KARS1: variants seen among roughly 807,000 people sequenced by gnomAD.
KARS1 encodes the protein lysine--tRNA ligase.
KARS1 carries 50 observed loss-of-function variants against 63.9 expected under a neutral mutation model. The ratio of observed to expected loss-of-function variants is 0.78; its 90% CI spans 0.62 to 0.99. The LOEUF is 0.99. Among genes scored for constraint, KARS1 ranks in the 50% least tolerant of loss-of-function variants. The probability of loss-of-function intolerance (pLI) is 0.00; values close to 1 mark genes in which losing one functional copy is unlikely to be tolerated. For missense variants in KARS1, 816 were observed against 754.5 expected (o/e 1.08, Z -0.95); for synonymous variants, 320 against 264.6 (o/e 1.21, Z -2.03).
Position 75,641,631 on chromosome 16 carries a change from G to C in KARS1, c.155C>G (p.Thr52Ser), listed in dbSNP as rs776655149. Residue 52 changes from threonine (T) to serine (S), a missense_variant, in exon 2 of 14, where the codon ACT (threonine) becomes AGT (serine). Transcript: ENST00000302445. ...ELSEKQLSQA[T>S]AAATNHTTDN... is the part of the protein sequence containing the mutation. ...AGTGGTGTGGTTGGTGGCAGCAGCA[G>C]TGGCTTGGCTTAGCTGTTTCTCACT... The C allele has an allele frequency of 6.2e-7, 1 of 1,614,002 alleles. No individual in the cohort carries two copies. The highest frequency in any genetic ancestry group is 8.5e-7 in the Non-Finnish European group (1 of 1,180,004).
rs1214729431 is a variant in KARS1 at position 75,635,661 on chromosome 16, G to C, written c.795+19C>G. 7.4e-6 allele frequency: 12 copies of C among 1,613,060 alleles called. No homozygotes were observed. The highest frequency in any genetic ancestry group is 1.3e-5 in the African/African-American group (1 of 74,920). On this transcript the variant is annotated intron_variant, in intron 6 of 13. Coordinates refer to ENST00000302445, the MANE Select transcript of KARS1 (RefSeq NM_005548.3). ...CATTGCAAGGCAGCTCATCACGTCA[G>C]GCAAGGAACTCTCCTTACCTCTAGG...
intron 2 of KARS1, 66 bp from the exon 3 acceptor site, chr16:75,640,415 T>C: frequency 2.0e-6 from 3 of 1,487,042 alleles, no homozygotes; most frequent in Non-Finnish European, 2.8e-6. Flanking sequence ...GGGGCCCACC[T>C]AGCAGAGGGC....
At chr16:75,644,345 T>A in intron 1 of KARS1, 4 of 1,610,872 alleles carry the variant, frequency 2.5e-6, no homozygotes, top group Non-Finnish European at 3.4e-6. Context: ...GTTGACCCAG[T>A]CGCAGTTCCC....
intron 1 of KARS1, among the ~76,000 whole-genome samples, chr16:75,643,827 ACTG>A (rs2082251532): frequency 1.3e-5 from 2 of 152,266 alleles, no homozygotes. Context: ...CAGTCAGTGG[ACTG>A]CTAAGATTAG....
At chr16:75,633,989 T>C in intron 7 of KARS1, 184 bp downstream of exon 7, 1 of 705,340 alleles carries the variant, frequency 1.4e-6, no homozygotes, top group Non-Finnish European at 2.6e-6. Context: ...TGCCCTACAA[T>C]GCTCTATTAA....
intron 7 of KARS1, 136 bp from the exon 8 acceptor site, chr16:75,631,991 A>T: frequency 9.9e-7 from 1 of 1,015,030 alleles, no homozygotes; most frequent in Non-Finnish European, 1.5e-6. Context: ...AGGTTCAAGC[A>T]ATTCTCCTGC....
At chr16:75,628,046 T>A (rs1306719767) in intron 13 of KARS1, 53 bp from the exon 14 acceptor site, 1 of 1,022,244 alleles carries the variant, frequency 9.8e-7, no homozygotes, top group African/African-American at 1.6e-5. Flanking sequence ...CAACATTTTT[T>A]CACAGCTATC....
intron 1 of KARS1, among the ~76,000 whole-genome samples, chr16:75,646,070 C>G (rs80328717): frequency 0.031 from 4,645 of 152,234 alleles, 106 homozygotes; most frequent in African/African-American, 0.061. Context: ...TTAATAAAGT[C>G]AAGTCAATTT....
chr16:75,633,515 CT>C (rs770761249), intron 7 of KARS1, among the ~76,000 whole-genome samples: 12,788 of 127,370 alleles, frequency 0.1, 839 homozygotes, highest in East Asian at 0.55. Context: ...TTTGAAGATA[CT>C]TTTTTTTTTT....
At position 75,641,701 on chromosome 16, in the gene KARS1, C is replaced by T; in HGVS notation, c.85G>A (p.Ala29Thr). Residue 29 changes from alanine (A) to threonine (T), a missense_variant, in exon 2 of 14, where the codon GCT becomes ACT. Coordinates refer to ENST00000302445, the MANE Select transcript of KARS1 (RefSeq NM_005548.3). ...TCCTTCTCTGCTACTTTCTTCTCAG[C>T]TTTCAGGCGTCTCTTCAGCTCACTG... is the stretch of plus-strand genomic sequence containing the variant. ...SKNELKRRLK[A>T]EKKVAEKEAK... The T allele has an allele frequency of 6.2e-7, 1 of 1,613,974 alleles. No individual in the cohort carries two copies. The highest frequency in any genetic ancestry group is 8.5e-7 in the Non-Finnish European group (1 of 1,180,030).
At chr16:75,639,417 C>T (rs912928387) in intron 3 of KARS1, among the ~76,000 whole-genome samples, 14 of 151,618 alleles carry the variant, frequency 9.2e-5, no homozygotes, top group African/African-American at 3.4e-4. Flanking sequence ...ACTAAAAATA[C>T]AAAACTTAGC....
rs1010775137 is a variant in KARS1, at chr16:75,631,670, G to A, written c.1078+23C>T. 4.3e-6 allele frequency: 7 copies of A among 1,613,984 alleles called. No individual in the cohort carries two copies. In the African/African-American group the frequency reaches 8.0e-5, roughly 18 times the overall value. On this transcript the variant is annotated intron_variant, in intron 8 of 13. Coordinates refer to ENST00000302445, the MANE Select transcript of KARS1 (RefSeq NM_005548.3). ...AAGCAGCATACCAACCACCCGATGA[G>A]TATGAGAGAGAGCAGGAGTCACCTG...
intron 13 of KARS1, 38 bp from the exon 14 acceptor site, chr16:75,628,031 ACT>A (rs778496609): frequency 4.9e-6 from 6 of 1,231,632 alleles, no homozygotes. Flanking sequence ...GCTGAGAAGC[ACT>A]CTCAACATTT....
In KARS1 at chr16:75,635,981, C is replaced by T. The variant is rs143003475; in HGVS notation, c.600G>A (p.Pro200=). 1.9e-4 allele frequency: 303 copies of T among 1,614,010 alleles called. No individual in the cohort carries two copies. The highest frequency in any genetic ancestry group is 4.7e-4 in the South Asian group (43 of 91,090). Residue 200 remains proline (P), a synonymous_variant, in exon 5 of 14, where the codon CCG becomes CCA. Coordinates refer to ENST00000302445, the MANE Select transcript of KARS1 (RefSeq NM_005548.3). ...KTKKGELSII[P]YEITLLSPCL... ...AGGGAGACAGCAGTGTGATCTCATA[C>T]GGAATGATGCTCAGCTCACCCTTCT...
At chr16:75,642,873 T>C (rs561735208) in intron 1 of KARS1, 1 of 152,308 alleles carries the variant, frequency 6.6e-6, no homozygotes, top group African/African-American at 2.4e-5. Context: ...CCCCCACCAG[T>C]TGTTATGGTG....
chr16:75,640,295 C>T lies in KARS1; in HGVS notation c.277G>A (p.Asp93Asn). 6.2e-7 allele frequency: 1 copy of T among 1,612,280 alleles called. No individual in the cohort carries two copies. The highest frequency in any genetic ancestry group is 1.3e-5 in the African/African-American group (1 of 74,334). ...AIHQLKVNGEDPYPHKFHVDI... is the reference protein window; with the variant it reads ...AIHQLKVNGENPYPHKFHVDI... Reference sequence around the variant, plus strand: ...ACATGGAACTTGTGTGGGTATGGGTCTTCCCCATTGACCTTCAGCTGATGA... The same window carrying T: ...ACATGGAACTTGTGTGGGTATGGGTTTTCCCCATTGACCTTCAGCTGATGA... Residue 93 changes from aspartate (D) to asparagine (N), a missense_variant, in exon 3 of 14, where the codon GAC becomes AAC. Physicochemically the swap from Asp to Asn is conservative, Grantham distance 23. Transcript: ENST00000302445.
chr16:75,647,302 C>T (rs1180589576), intron 1 of KARS1, among the ~76,000 whole-genome samples: 1 of 152,218 alleles, frequency 6.6e-6, no homozygotes, highest in African/African-American at 2.4e-5. Flanking sequence ...TCTGATAACT[C>T]TTAGTTCTCG....
chr16:75,641,967 G>T (rs1421552046), intron 1 of KARS1, among the ~76,000 whole-genome samples: 2 of 152,042 alleles, frequency 1.3e-5, no homozygotes, highest in Non-Finnish European at 2.9e-5. Context: ...GTCTCTGCTT[G>T]CCAGTCTCAG....
At chr16:75,643,379 C>T (rs1304969540) in intron 1 of KARS1, among the ~76,000 whole-genome samples, 3 of 141,018 alleles carry the variant, frequency 2.1e-5, no homozygotes, top group East Asian at 4.0e-4. Context: ...AATCTTTCAC[C>T]TTTTTTTTTT....
Sources: allele counts gnomAD v4.1 joint callset (sites outside exome capture counted in the v4.1 genomes callset), GRCh38; gene constraint gnomAD v4.1.1; transcripts MANE v1.5; gene names NCBI Gene and HGNC (gene_info 2026-07-23, HGNC 2026-07-21).